SLC39A11: variants seen among roughly 807,000 people sequenced by gnomAD.
The protein encoded by SLC39A11 is solute carrier family 39 member 11, also known as zinc transporter ZIP11.
A neutral mutation model predicts 36.1 loss-of-function variants in SLC39A11; 33 were observed. That is an observed-to-expected ratio of 0.91 (90% CI 0.69 to 1.22). The LOEUF (loss-of-function observed/expected upper bound fraction) is 1.22. Among genes scored for constraint, SLC39A11 ranks in the 50% most tolerant of loss-of-function variants. SLC39A11 has a pLI of 0.00. For missense variants in SLC39A11, 432 were observed against 430.3 expected, an observed-to-expected ratio of 1.00 and a Z score of -0.03; for synonymous variants, 166 against 170.3, an observed-to-expected ratio of 0.97 and a Z score of 0.20.
At chr17:72,676,270 C>T (rs556877726) in intron 7 of SLC39A11, among the ~76,000 whole-genome samples, 35 of 152,174 alleles carry the variant, frequency 2.3e-4, no homozygotes, top group African/African-American at 7.0e-4. Context: ...CTAGACACTG[C>T]GGGATGTCCA....
rs998519818 is a variant in SLC39A11, at chr17:72,971,003, G to A, written c.307-23128C>T. ...TCCAGTGCCCACAAACAGGCTGATC[G>A]CAGCAGCACCTTCCTTATGCGGCCG... On this transcript the variant is annotated intron_variant, in intron 4 of 9. Transcript: ENST00000255559. 4.6e-5 allele frequency among the ~76,000 whole-genome samples: 7 copies of A among 152,262 alleles called. No individual in the cohort carries two copies. The South Asian group carries it at 6.2e-4, about 14-fold the overall frequency.
intron 5 of SLC39A11, among the ~76,000 whole-genome samples, chr17:72,939,002 C>T (rs574028138): frequency 1.3e-5 from 2 of 152,288 alleles, no homozygotes; most frequent in African/African-American, 4.8e-5. Context: ...CTTGCTTCCT[C>T]TCATTTTATC....
At chr17:72,915,995 G>A (rs914938321) in intron 5 of SLC39A11, among the ~76,000 whole-genome samples, 2 of 152,174 alleles carry the variant, frequency 1.3e-5, no homozygotes, top group Non-Finnish European at 2.9e-5. Flanking sequence ...TAATACTCGA[G>A]TACACAAAGG....
rs145313138 is a variant in SLC39A11 at position 72,837,406 on chromosome 17, C to T, written c.601+12228G>A. On this transcript the variant is annotated intron_variant, in intron 6 of 9. Coordinates refer to ENST00000255559, the MANE Select transcript of SLC39A11 (RefSeq NM_139177.4). ...AAGCAGGACTCATAGACACCCCAAGCAAGTGCCATGGTAGGTGGGACAGAG... is the reference window on the plus strand; with the variant it reads ...AAGCAGGACTCATAGACACCCCAAGTAAGTGCCATGGTAGGTGGGACAGAG... Among the ~76,000 whole-genome samples the T allele has an allele frequency of 1.4e-3, 196 of 141,452 alleles. 1 individual carries two copies. Among genetic ancestry groups the T allele is most frequent in the African/African-American group, 5.1e-3 (191 of 37,660 alleles). The allele number at this position is 141,452 out of a possible 152,430, so 92.8% of individuals were successfully genotyped here. A position where few individuals can be genotyped will look rare whatever the true frequency, so the allele number is the denominator to read the frequency against.
chr17:73,056,293 C>G (rs908997828), intron 3 of SLC39A11, among the ~76,000 whole-genome samples: 2 of 152,104 alleles, frequency 1.3e-5, no homozygotes, highest in Non-Finnish European at 2.9e-5. Context: ...CTCAGCCTCC[C>G]GAGTAGCTGG....
At chr17:72,749,430 T>C (rs2144284536) in intron 6 of SLC39A11, among the ~76,000 whole-genome samples, 1 of 152,326 alleles carries the variant, frequency 6.6e-6, no homozygotes, top group South Asian at 2.1e-4. Context: ...GTGGACAGGC[T>C]TATGTTCTGG....
At chr17:72,963,075 T>C (rs1430114943) in intron 4 of SLC39A11, among the ~76,000 whole-genome samples, 1 of 151,988 alleles carries the variant, frequency 6.6e-6, no homozygotes, top group Non-Finnish European at 1.5e-5. Context: ...AAGAGACTGA[T>C]AACCTGATCA....
chr17:72,829,940 G>A (rs1303682010), intron 6 of SLC39A11, among the ~76,000 whole-genome samples: 2 of 152,032 alleles, frequency 1.3e-5, no homozygotes, highest in African/African-American at 4.8e-5. Context: ...CCTAGGGGAG[G>A]AGGGGATCGG....
intron 3 of SLC39A11, among the ~76,000 whole-genome samples, chr17:73,053,372 C>T (rs1230452672): frequency 6.6e-6 from 1 of 151,968 alleles, no homozygotes; most frequent in Non-Finnish European, 1.5e-5. Flanking sequence ...ACCCTGAGGG[C>T]CACATACTAG....
At chr17:73,006,603 C>A (rs552859540) in intron 4 of SLC39A11, among the ~76,000 whole-genome samples, 1 of 151,956 alleles carries the variant, frequency 6.6e-6, no homozygotes, top group South Asian at 2.1e-4. Flanking sequence ...ATTCTTCAGA[C>A]AATAAGTACC....
At chr17:72,676,770 G>T (rs191667748) in intron 7 of SLC39A11, among the ~76,000 whole-genome samples, 2 of 152,274 alleles carry the variant, frequency 1.3e-5, no homozygotes, top group East Asian at 3.9e-4. Context: ...CTAGACTTTT[G>T]GTATACGTTA....
chr17:72,954,935 C>T (rs1332316789), intron 4 of SLC39A11, among the ~76,000 whole-genome samples: 1 of 152,200 alleles, frequency 6.6e-6, no homozygotes, highest in Non-Finnish European at 1.5e-5. Context: ...TTAACCTATA[C>T]ATTCAGGGAT....
intron 4 of SLC39A11, among the ~76,000 whole-genome samples, chr17:72,967,399 A>AGAGAGAGAGAGAGAGAGT (rs143987646): frequency 2.7e-3 from 369 of 138,208 alleles, no homozygotes; most frequent in African/African-American, 5.2e-3. Flanking sequence ...AGAGAGAGAG[A>AGAGAGAGAGAGAGAGAGT]GTGTGTGTGT....
intron 5 of SLC39A11, among the ~76,000 whole-genome samples, chr17:72,905,172 C>CAAAAAAAAAAAAAAAAA (rs58702930): frequency 2.3e-5 from 1 of 42,918 alleles, no homozygotes; most frequent in African/African-American, 9.1e-5. Context: ...GACTCCATCT[C>CAAAAAAAAAAAAAAAAA]AAAAAAAAAA....
intron 3 of SLC39A11, among the ~76,000 whole-genome samples, chr17:73,055,469 T>C (rs1322972033): frequency 6.6e-6 from 1 of 151,978 alleles, no homozygotes; most frequent in East Asian, 1.9e-4. Flanking sequence ...TCTCACTCAG[T>C]TGCCCAGGCT....
At chr17:72,790,485 G>A (rs916517501) in intron 6 of SLC39A11, among the ~76,000 whole-genome samples, 5 of 151,954 alleles carry the variant, frequency 3.3e-5, no homozygotes, top group African/African-American at 1.2e-4. Context: ...GGAATGAGAA[G>A]ATAAGAGAAT....
At chr17:72,787,126 C>T (rs1037044154) in intron 6 of SLC39A11, among the ~76,000 whole-genome samples, 16 of 151,792 alleles carry the variant, frequency 1.1e-4, no homozygotes, top group African/African-American at 3.6e-4. Context: ...GGCCGCAATC[C>T]CTTATCTTTA....
intron 5 of SLC39A11, among the ~76,000 whole-genome samples, chr17:72,906,647 G>A (rs115789653): frequency 6.6e-6 from 1 of 152,200 alleles, no homozygotes; most frequent in Admixed American, 6.5e-5. Context: ...ACCTGAAACA[G>A]ACCTTGTTTA....
intron 7 of SLC39A11, among the ~76,000 whole-genome samples, chr17:72,710,428 G>A (rs936543687): frequency 6.6e-6 from 1 of 152,150 alleles, no homozygotes; most frequent in Non-Finnish European, 1.5e-5. Context: ...AAGTCATGAG[G>A]GCTCCACCCT....
Sources: gnomAD v4.1 joint callset for allele counts (sites outside exome capture counted in the v4.1 genomes callset) on GRCh38, gnomAD v4.1.1 for gene constraint, MANE v1.5 for transcripts, NCBI Gene and HGNC (gene_info 2026-07-23, HGNC 2026-07-21) for gene names.